The following POLK variants were observed in gnomAD, a reference collection of about 807,000 sequenced individuals.
POLK encodes the protein DNA polymerase kappa.
A neutral mutation model predicts 94.0 loss-of-function variants in POLK; 76 were observed. The observed-to-expected ratio is 0.81, with a 90% confidence interval of 0.67 to 0.98. The LOEUF (loss-of-function observed/expected upper bound fraction) is 0.98. POLK is among the 50% of genes least tolerant of loss of function. POLK has a pLI of 0.00. For missense variants in POLK, 954 were observed against 1,010.1 expected, an observed-to-expected ratio of 0.94 and a Z score of 0.75; for synonymous variants, 349 against 325.4, an observed-to-expected ratio of 1.07 and a Z score of -0.78.
rs530843543 is a variant in POLK, at chr5:75,583,998, A to G, written c.1059+581A>G. Among the ~76,000 whole-genome samples the G allele has an allele frequency of 1.1e-4, 17 of 152,340 alleles. No individual in the cohort carries two copies. In the South Asian group the frequency reaches 3.5e-3, roughly 32 times the overall value. Reference sequence around the variant, plus strand: ...GCTTTTCTCATTCAACATAATGTACATGAATGAATTTAAATATTTTTCAAT... The same window carrying G: ...GCTTTTCTCATTCAACATAATGTACGTGAATGAATTTAAATATTTTTCAAT... On this transcript the variant is annotated intron_variant, in intron 8 of 14. Coordinates refer to ENST00000241436, the Ensembl canonical transcript of POLK.
At chr5:75,568,975 T>C (rs1771433972) in intron 3 of POLK, among the ~76,000 whole-genome samples, 1 of 152,184 alleles carries the variant, frequency 6.6e-6, no homozygotes. Context: ...TCATTAAATA[T>C]TAAGTTCCTG....
At chr5:75,557,077 A>G (rs1265925773) in intron 3 of POLK, among the ~76,000 whole-genome samples, 2 of 152,052 alleles carry the variant, frequency 1.3e-5, no homozygotes, top group Non-Finnish European at 2.9e-5. Context: ...AAAGAAAAAA[A>G]AGAAAGAAAC....
chr5:75,592,109 G>A (rs1425391262), intron 11 of POLK, among the ~76,000 whole-genome samples: 2 of 152,164 alleles, frequency 1.3e-5, no homozygotes, highest in Non-Finnish European at 2.9e-5. Flanking sequence ...ATTTTTAAGT[G>A]TACAGTTCAT....
At chr5:75,583,145 T>C (rs1772288128) in intron 7 of POLK, 148 bp from the exon 8 acceptor site, 6 of 524,222 alleles carry the variant, frequency 1.1e-5, no homozygotes, top group South Asian at 3.4e-5. Flanking sequence ...CCTGGGGAGA[T>C]AGATGGTAAT....
the POLK span, among the ~76,000 whole-genome samples, chr5:75,606,949 A>T: frequency 1.3e-5 from 2 of 152,152 alleles, no homozygotes; most frequent in Non-Finnish European, 2.9e-5. Context: ...AATTAAAGTG[A>T]GGTTAGTATT....
chr5:75,597,083 A>G (rs1270118211), exon 13 of POLK: 2 of 1,613,106 alleles, frequency 1.2e-6, no homozygotes, highest in Admixed American at 1.7e-5. Flanking sequence ...TTCAATGTGC[A>G]TGTGGATGTT....
chr5:75,527,719 T>G (rs1768943962), intron 1 of POLK, among the ~76,000 whole-genome samples: 1 of 152,116 alleles, frequency 6.6e-6, no homozygotes, highest in Non-Finnish European at 1.5e-5. Flanking sequence ...CTCAAAATCT[T>G]TTTGGAAAGA....
chr5:75,553,430 T>C (rs1770428883), intron 3 of POLK, among the ~76,000 whole-genome samples: 1 of 152,200 alleles, frequency 6.6e-6, no homozygotes, highest in African/African-American at 2.4e-5. Flanking sequence ...TCAAAGATCA[T>C]AAATTTTATG....
chr5:75,597,641 C>A (rs1228321847), intron 13 of POLK, 106 bp from the exon 14 acceptor site: 23 of 574,232 alleles, frequency 4.0e-5, no homozygotes, highest in Non-Finnish European at 2.1e-5. Flanking sequence ...CTATATAGTA[C>A]TAAGGAAGTT....
intron 1 of POLK, among the ~76,000 whole-genome samples, chr5:75,546,071 G>A (rs1770004895): frequency 6.6e-6 from 1 of 152,088 alleles, no homozygotes. Flanking sequence ...AGGGGCTAGG[G>A]ACCCTGCCCA....
intron 3 of POLK, among the ~76,000 whole-genome samples, chr5:75,560,033 C>A (rs1400183487): frequency 6.6e-6 from 1 of 152,172 alleles, no homozygotes; most frequent in Non-Finnish European, 1.5e-5. Context: ...TTCAACATTA[C>A]AGACTTTAAA....
intron 2 of POLK, among the ~76,000 whole-genome samples, chr5:75,549,723 A>T (rs956503662): frequency 6.6e-6 from 1 of 152,040 alleles, no homozygotes; most frequent in African/African-American, 2.4e-5. Context: ...CTTATCAGAA[A>T]ATTTAAAATA....
Position 75,553,203 on chromosome 5 carries a change from C to T in POLK, c.255+612C>T, listed in dbSNP as rs557910301. 5.3e-5 allele frequency among the ~76,000 whole-genome samples: 8 copies of T among 152,146 alleles called. No homozygotes were observed. In the East Asian group the frequency reaches 1.2e-3, roughly 22 times the overall value. On this transcript the variant is annotated intron_variant, in intron 3 of 14. Transcript: ENST00000241436. ...TTTCCTCTTCTATTAAAAGTTATTT[C>T]AGGAGAAAAGTTTGGAAATATCCAA...
chr5:75,555,492 A>G (rs1268097931), intron 3 of POLK, among the ~76,000 whole-genome samples: 2 of 152,036 alleles, frequency 1.3e-5, no homozygotes, highest in Non-Finnish European at 2.9e-5. Context: ...TCATGGCTTA[A>G]TAGTTCATTT....
intron 1 of POLK, among the ~76,000 whole-genome samples, chr5:75,523,664 T>C (rs1768693265): frequency 6.6e-6 from 1 of 152,214 alleles, no homozygotes; most frequent in Non-Finnish European, 1.5e-5. Flanking sequence ...GGTTATATTC[T>C]TGAAAGAAGG....
chr5:75,519,579 A>G (rs189732906), intron 1 of POLK, among the ~76,000 whole-genome samples: 20 of 152,310 alleles, frequency 1.3e-4, no homozygotes, highest in Admixed American at 4.6e-4. Context: ...ATGCTTAGAT[A>G]TTAATTGTTA....
At chr5:75,555,660 C>T (rs1169000958) in intron 3 of POLK, among the ~76,000 whole-genome samples, 3 of 151,792 alleles carry the variant, frequency 2.0e-5, no homozygotes, top group African/African-American at 7.3e-5. Flanking sequence ...AAGCTATTCT[C>T]CCTCGGCCTC....
At chr5:75,606,748 T>A in the POLK span, among the ~76,000 whole-genome samples, 2 of 151,922 alleles carry the variant, frequency 1.3e-5, no homozygotes, top group Non-Finnish European at 2.9e-5. Flanking sequence ...TACTTCTTTC[T>A]ACACAGACAC....
chr5:75,564,255 C>G (rs1771147950), intron 3 of POLK, among the ~76,000 whole-genome samples: 1 of 141,738 alleles, frequency 7.1e-6, no homozygotes. Context: ...TCTTTCTTTT[C>G]TTTCTTTCCT....
Sources: allele counts gnomAD v4.1 joint callset (sites outside exome capture counted in the v4.1 genomes callset), GRCh38; gene constraint gnomAD v4.1.1; transcripts MANE v1.5; gene names NCBI Gene and HGNC (gene_info 2026-07-23, HGNC 2026-07-21).